RDH13: variants seen among roughly 807,000 people sequenced by gnomAD.
RDH13 encodes retinol dehydrogenase 13.
RDH13 carries 35 observed loss-of-function variants against 28.3 expected under a neutral mutation model. The ratio of observed to expected loss-of-function variants is 1.24; its 90% CI spans 0.95 to 1.64. The LOEUF (loss-of-function observed/expected upper bound fraction) is 1.64, where lower values mean the gene tolerates loss of function less well. Among genes scored for constraint, RDH13 ranks in the 40% most tolerant of loss-of-function variants. The probability of loss-of-function intolerance (pLI) is 0.00; values close to 1 mark genes in which losing one functional copy is unlikely to be tolerated. For synonymous variants in RDH13, 229 were observed against 198.5 expected, an observed-to-expected ratio of 1.15 and a Z score of -1.29; for missense variants, 514 against 446.3, an observed-to-expected ratio of 1.15 and a Z score of -1.37.
intron 6 of RDH13, 47 bp from the exon 7 acceptor site, chr19:55,045,356 A>C: frequency 6.7e-7 from 1 of 1,485,638 alleles, no homozygotes; most frequent in Non-Finnish European, 9.2e-7. Flanking sequence ...CTCAGAGAGA[A>C]GGAAGGAAGC....
chr19:55,066,433 TG>T, upstream of RDH13, among the ~76,000 whole-genome samples: 1 of 113,784 alleles, frequency 8.8e-6, no homozygotes, highest in African/African-American at 3.6e-5. Flanking sequence ...TCTCCCTCTC[TG>T]TCTTCTCTCC....
At chr19:55,066,759 C>T (rs1353570678), upstream of RDH13, among the ~76,000 whole-genome samples, 1 of 151,398 alleles carries the variant, frequency 6.6e-6, no homozygotes, top group East Asian at 1.9e-4. Context: ...TCCCTCTCCC[C>T]CCAACTCTCT....
upstream of RDH13, among the ~76,000 whole-genome samples, chr19:55,066,585 A>G (rs1299280002): frequency 4.1e-5 from 5 of 120,760 alleles, no homozygotes; most frequent in African/African-American, 1.6e-4. Flanking sequence ...GTCTTCCTCT[A>G]TCCCTCTCTT....
At position 55,059,142 on chromosome 19, in the gene RDH13, C is replaced by T. The variant is rs1336129616; in HGVS notation, c.184+15G>A. 6.7e-7 allele frequency: 1 copy of T among 1,503,456 alleles called. No individual in the cohort carries two copies. The highest frequency in any genetic ancestry group is 1.2e-5 in the South Asian group (1 of 84,176). 93.1% of individuals were successfully genotyped at this position (1,503,456 alleles called of 1,614,324 possible). A position where few individuals can be genotyped will look rare whatever the true frequency, so the allele number is the denominator to read the frequency against. On this transcript the variant is annotated intron_variant, in intron 2 of 6. Transcript: ENST00000415061. Reference sequence around the variant, plus strand: ...ACAGATATCTCTCTGAGAGCCAAAGCAGGGGAGATTTTACCTCTCCTGGCC... The same window carrying T: ...ACAGATATCTCTCTGAGAGCCAAAGTAGGGGAGATTTTACCTCTCCTGGCC...
rs1469020420 is a variant in RDH13, at chr19:55,047,488, CCTGGGG to C, written c.659-6_659-1del. ...CAGGGCGTTGACAGTCACACCAGAG[CCTGGGG>C]AAGAAAGAAAGAGAAGACTGAGGGA... On this transcript the variant is annotated splice_acceptor_variant and splice_polypyrimidine_tract_variant and intron_variant, in intron 5 of 6. Coordinates refer to ENST00000415061, the MANE Select transcript of RDH13 (RefSeq NM_001145971.2). LOFTEE classifies it high-confidence loss of function. The C allele has an allele frequency of 1.9e-6, 3 of 1,604,722 alleles. No individual in the cohort carries two copies. In the South Asian group the frequency reaches 3.3e-5, roughly 18 times the overall value.
At position 55,062,966 on chromosome 19, in the gene RDH13, A is replaced by G; in HGVS notation, c.65+2T>C. On this transcript the variant is annotated splice_donor_variant, in intron 1 of 6. Transcript: ENST00000415061. LOFTEE classifies it high-confidence loss of function. ...GCGCACGCGGGGCTAGAATGTACTC[A>G]CTTGAGCAGCACGGCGGCGCCTGCT... The G allele has an allele frequency of 6.7e-7, 1 of 1,481,936 alleles. No homozygotes were observed. Among genetic ancestry groups the G allele is most frequent in the South Asian group, 1.3e-5 (1 of 75,382 alleles). The allele number at this position is 1,481,936 out of a possible 1,614,324, so 91.8% of individuals were successfully genotyped here.
At chr19:55,043,772 T>TTCGGTTCTGCACCTAAG (rs1329171136), downstream of RDH13, among the ~76,000 whole-genome samples, 4 of 152,188 alleles carry the variant, frequency 2.6e-5, no homozygotes, top group Non-Finnish European at 5.9e-5. Context: ...CGGTGCCTCC[T>TTCGGTTCTGCACCTAAG]TCGGTTCTGC....
At chr19:55,063,685 A>G (rs1324764825), upstream of RDH13, 2 of 145,174 alleles carry the variant, frequency 1.4e-5, no homozygotes, top group Non-Finnish European at 3.0e-5. Context: ...TCTGGGTCCG[A>G]GGGAGGAGGG....
chr19:55,064,759 CGTGT>C (rs2075920857), upstream of RDH13, among the ~76,000 whole-genome samples: 2 of 149,266 alleles, frequency 1.3e-5, no homozygotes, highest in Non-Finnish European at 3.0e-5. Context: ...GCTACAGGCA[CGTGT>C]CACCACACCC....
downstream of RDH13, chr19:55,040,539 C>G (rs961363080): frequency 2.0e-5 from 3 of 152,198 alleles, no homozygotes; most frequent in Non-Finnish European, 2.9e-5. Context: ...CATCATCTTC[C>G]CTACATCTCT....
At position 55,047,416 on chromosome 19, in the gene RDH13, T is replaced by C; in HGVS notation, c.731A>G (p.His244Arg). ...TGTGGTGCTGGAGAAGGTGGAGCCA[T>C]GGATGCCCGTGTGTCTGCCCAGCTC... is the stretch of plus-strand genomic sequence containing the variant. ...RTELGRHTGI[H>R]GSTFSSTTLG... The change falls in exon 6 of 7, where the codon CAT becomes CGT. Residue 244 changes from histidine to arginine, a missense_variant. Coordinates refer to ENST00000415061, the MANE Select transcript of RDH13 (RefSeq NM_001145971.2). The C allele has an allele frequency of 6.2e-7, 1 of 1,611,880 alleles. No homozygotes were observed. The highest frequency in any genetic ancestry group is 8.5e-7 in the Non-Finnish European group (1 of 1,179,916).
At chr19:55,051,880 C>T (rs1006210023) in intron 3 of RDH13, among the ~76,000 whole-genome samples, 3 of 151,798 alleles carry the variant, frequency 2.0e-5, no homozygotes, top group Non-Finnish European at 2.9e-5. Context: ...CACAGGCGCC[C>T]GACACCACAA....
intron 2 of RDH13, 37 bp downstream of exon 2, chr19:55,059,120 G>T: frequency 7.4e-7 from 1 of 1,344,862 alleles, no homozygotes; most frequent in South Asian, 1.2e-5. Flanking sequence ...TGGATGTACA[G>T]ATATCTCTCT....
upstream of RDH13, among the ~76,000 whole-genome samples, chr19:55,065,088 A>C (rs2147089753): frequency 6.6e-6 from 1 of 151,344 alleles, no homozygotes; most frequent in South Asian, 2.1e-4. Context: ...CAAACTAAAA[A>C]TAAAGAAAAA....
Position 55,059,082 on chromosome 19 carries a change from C to A in RDH13, c.184+75G>T. 3.0e-6 allele frequency: 3 copies of A among 1,011,942 alleles called. No homozygotes were observed. The South Asian group carries it at 4.3e-5, about 14-fold the overall frequency. 62.7% of individuals were successfully genotyped at this position (1,011,942 alleles called of 1,614,324 possible). ...TGGGTGCCTGGGTTCCTTCCACCTCCGGACTGTGAATAATGCTGCAGTGAG... is the reference window on the plus strand; with the variant it reads ...TGGGTGCCTGGGTTCCTTCCACCTCAGGACTGTGAATAATGCTGCAGTGAG... On this transcript the variant is annotated intron_variant, in intron 2 of 6. Transcript: ENST00000415061.
chr19:55,063,043 G>GTACAAGC lies in RDH13; in HGVS notation c.-12_-11insGCTTGTA. 1 of 1,197,414 alleles carries GTACAAGC rather than the reference G, an allele frequency of 8.4e-7. No individual in the cohort carries two copies. Among genetic ancestry groups the GTACAAGC allele is most frequent in the Non-Finnish European group, 1.1e-6 (1 of 941,592 alleles). 74.2% of individuals were successfully genotyped at this position (1,197,414 alleles called of 1,614,324 possible). On this transcript the variant is annotated 5_prime_UTR_variant, in exon 1 of 7. Transcript: ENST00000415061. ...CAGGTAGCGGCTCATGCCGGGCCGGGGACAGGCGTCAGGCGTCAGGGGTCG... is the reference window on the plus strand; with the variant it reads ...CAGGTAGCGGCTCATGCCGGGCCGGGTACAAGCGACAGGCGTCAGGCGTCAGGGGTCG...
intron 3 of RDH13, chr19:55,053,766 T>C (rs946245502): frequency 6.6e-6 from 1 of 152,022 alleles, no homozygotes; most frequent in Non-Finnish European, 1.5e-5. Context: ...CCCAGGTGTG[T>C]CCAGCCGGGG....
chr19:55,059,120 GA>G (rs1443804464), intron 2 of RDH13, 36 bp downstream of exon 2: 1 of 1,344,864 alleles, frequency 7.4e-7, no homozygotes, highest in African/African-American at 1.4e-5. Context: ...TGGATGTACA[GA>G]TATCTCTCTG....
At chr19:55,061,260 T>G (rs1303474766) in intron 1 of RDH13, among the ~76,000 whole-genome samples, 2 of 152,178 alleles carry the variant, frequency 1.3e-5, no homozygotes, top group Admixed American at 6.5e-5. Context: ...CCTGAGTGGC[T>G]GGGATTACAG....
Sources: allele counts gnomAD v4.1 joint callset (sites outside exome capture counted in the v4.1 genomes callset), GRCh38; gene constraint gnomAD v4.1.1; transcripts MANE v1.5; gene names NCBI Gene and HGNC (gene_info 2026-07-23, HGNC 2026-07-21).